Variants in KAZN observed in about 807,000 individuals in gnomAD.
KAZN encodes the protein kazrin, periplakin interacting protein, also known as kazrin.
A neutral mutation model predicts 87.4 loss-of-function variants in KAZN; 40 were observed. The ratio of observed to expected loss-of-function variants is 0.46; its 90% CI spans 0.36 to 0.60. The LOEUF (loss-of-function observed/expected upper bound fraction) is 0.60, where lower values mean the gene tolerates loss of function less well. KAZN is among the 20% of genes least tolerant of loss of function. KAZN has a pLI of 0.00. For synonymous variants in KAZN, 466 were observed against 458.3 expected (o/e 1.02, Z -0.22); for missense variants, 898 against 1,073.9 (o/e 0.84, Z 2.29).
At chr1:14,606,684 T>C (rs1473639218) in intron 1 of KAZN, among the ~76,000 whole-genome samples, 2 of 152,158 alleles carry the variant, frequency 1.3e-5, no homozygotes, top group Non-Finnish European at 2.9e-5. Context: ...AGAGGACTTA[T>C]TAACCTCAAA....
chr1:14,539,626 G>A (rs1369087256), intron 2 of KAZN, among the ~76,000 whole-genome samples: 1 of 151,896 alleles, frequency 6.6e-6, no homozygotes, highest in Non-Finnish European at 1.5e-5. Flanking sequence ...TGGTTCATAA[G>A]ACCCCTAGAT....
intron 1 of KAZN, among the ~76,000 whole-genome samples, chr1:14,089,131 C>A (rs1333729687): frequency 6.6e-6 from 1 of 151,902 alleles, no homozygotes; most frequent in East Asian, 1.9e-4. Flanking sequence ...CATCTGCCAC[C>A]AAAATGGATG....
intron 1 of KAZN, among the ~76,000 whole-genome samples, chr1:14,764,190 G>A (rs190783745): frequency 9.2e-5 from 14 of 152,146 alleles, no homozygotes; most frequent in African/African-American, 3.4e-4. Context: ...CCACATTCCC[G>A]GGGCACTGAG....
intron 1 of KAZN, among the ~76,000 whole-genome samples, chr1:14,873,068 GTGGA>G (rs879736674): frequency 4.4e-5 from 6 of 135,172 alleles, no homozygotes; most frequent in Admixed American, 7.4e-5. Context: ...GGATGGATGG[GTGGA>G]TGGATGGATG....
intron 1 of KAZN, among the ~76,000 whole-genome samples, chr1:14,868,060 A>ATCGCATACGCAG (rs1651712324): frequency 6.6e-6 from 1 of 151,288 alleles, no homozygotes; most frequent in Non-Finnish European, 1.5e-5. Flanking sequence ...ACATACGCAC[A>ATCGCATACGCAG]GCATTGCATA....
chr1:14,557,676 A>T (rs1673994228), intron 2 of KAZN, among the ~76,000 whole-genome samples: 1 of 148,642 alleles, frequency 6.7e-6, no homozygotes, highest in African/African-American at 2.5e-5. Context: ...GGTGTGTGAG[A>T]GAGAGAGAGA....
At chr1:14,160,669 C>T (rs1024105758) in intron 1 of KAZN, among the ~76,000 whole-genome samples, 21 of 152,158 alleles carry the variant, frequency 1.4e-4, no homozygotes, top group African/African-American at 5.1e-4. Flanking sequence ...TCTTCTATTG[C>T]ACCATCTTGT....
chr1:14,875,842 A>G (rs185353704), intron 1 of KAZN, among the ~76,000 whole-genome samples: 10 of 152,348 alleles, frequency 6.6e-5, no homozygotes, highest in African/African-American at 1.2e-4. Flanking sequence ...TCTGAGATCA[A>G]TCTGAAGTGT....
chr1:14,973,918 C>A (rs574812888), intron 2 of KAZN, among the ~76,000 whole-genome samples: 1 of 152,056 alleles, frequency 6.6e-6, no homozygotes, highest in Non-Finnish European at 1.5e-5. Flanking sequence ...GTTTTTCTTA[C>A]ATCTCATGAT....
intron 2 of KAZN, among the ~76,000 whole-genome samples, chr1:14,304,177 A>C (rs1013788746): frequency 1.3e-5 from 2 of 152,216 alleles, no homozygotes; most frequent in African/African-American, 4.8e-5. Context: ...AAGAATTTGA[A>C]TGACATTCTT....
intron 1 of KAZN, among the ~76,000 whole-genome samples, chr1:14,802,469 A>G (rs1646066916): frequency 6.6e-6 from 1 of 151,232 alleles, no homozygotes; most frequent in Non-Finnish European, 1.5e-5. Flanking sequence ...ATACCTGGAG[A>G]TGTGTCTGGT....
chr1:14,995,215 C>T (rs1222538987), intron 2 of KAZN, among the ~76,000 whole-genome samples: 1 of 152,212 alleles, frequency 6.6e-6, no homozygotes, highest in Non-Finnish European at 1.5e-5. Flanking sequence ...GGGCCCTGGC[C>T]ATCCTGTTCC....
intron 1 of KAZN, among the ~76,000 whole-genome samples, chr1:14,851,977 C>A (rs866219860): frequency 6.6e-6 from 1 of 152,172 alleles, no homozygotes; most frequent in Non-Finnish European, 1.5e-5. Context: ...ATGAGAAATG[C>A]GCCTGGACTT....
At chr1:14,945,877 C>T in intron 1 of KAZN, 2 of 985,428 alleles carry the variant, frequency 2.0e-6, no homozygotes, top group Non-Finnish European at 1.2e-6. Context: ...GACTTGCTCT[C>T]CTTTCCTGTC....
intron 2 of KAZN, among the ~76,000 whole-genome samples, chr1:14,461,467 C>T (rs1667847896): frequency 1.3e-5 from 2 of 152,140 alleles, no homozygotes; most frequent in African/African-American, 4.8e-5. Context: ...TCACCTTCTG[C>T]CATGATTGTG....
chr1:14,738,101 G>A (rs955075142), intron 1 of KAZN, among the ~76,000 whole-genome samples: 3 of 152,056 alleles, frequency 2.0e-5, no homozygotes, highest in African/African-American at 7.2e-5. Context: ...TCTGGTACTC[G>A]AGTGGCAGGG....
intron 1 of KAZN, among the ~76,000 whole-genome samples, chr1:13,968,237 G>A (rs911275255): frequency 6.6e-6 from 1 of 152,136 alleles, no homozygotes; most frequent in Non-Finnish European, 1.5e-5. Flanking sequence ...ACATCTGCAA[G>A]GCCACCACTG....
chr1:14,584,737 T>G (rs2473625), intron 2 of KAZN, among the ~76,000 whole-genome samples: 1 of 151,614 alleles, frequency 6.6e-6, no homozygotes, highest in African/African-American at 2.4e-5. Flanking sequence ...CTCTGCCTCC[T>G]GGGTTCAAGC....
intron 1 of KAZN, among the ~76,000 whole-genome samples, chr1:14,662,895 T>C (rs1180563972): frequency 6.8e-6 from 1 of 147,712 alleles, no homozygotes; most frequent in Non-Finnish European, 1.5e-5. Flanking sequence ...GTATATATTA[T>C]ATATGTAAAT....
Sources: gnomAD v4.1 joint callset for allele counts (sites outside exome capture counted in the v4.1 genomes callset) on GRCh38, gnomAD v4.1.1 for gene constraint, MANE v1.5 for transcripts, NCBI Gene and HGNC (gene_info 2026-07-23, HGNC 2026-07-21) for gene names.